The following LINGO2 variants were observed in gnomAD, a reference collection of about 807,000 sequenced individuals.
LINGO2 encodes the protein leucine-rich repeat and immunoglobulin-like domain-containing nogo receptor-interacting protein 2.
In LINGO2, 14 loss-of-function variants were observed where a neutral mutation model predicts 30.6. The ratio of observed to expected loss-of-function variants is 0.46; its 90% CI spans 0.30 to 0.72. The LOEUF is 0.72. Among genes scored for constraint, LINGO2 ranks in the 30% least tolerant of loss-of-function variants. The pLI, the probability that LINGO2 is intolerant of heterozygous loss-of-function variation, is 0.07. For synonymous variants in LINGO2, 317 were observed against 288.5 expected, an observed-to-expected ratio of 1.10 and a Z score of -1.00; for missense variants, 729 against 751.7, an observed-to-expected ratio of 0.97 and a Z score of 0.35.
the LINGO2 span, among the ~76,000 whole-genome samples, chr9:29,172,538 G>T: frequency 5.3e-5 from 8 of 151,328 alleles, no homozygotes; most frequent in Non-Finnish European, 1.5e-5. Context: ...TTTAAATTTC[G>T]GTCACTTATA....
intron 2 of LINGO2, among the ~76,000 whole-genome samples, chr9:28,389,955 G>C (rs532132357): frequency 1.3e-5 from 2 of 152,202 alleles, no homozygotes; most frequent in Admixed American, 6.5e-5. Flanking sequence ...AACATTCCAT[G>C]CTTCCTTTTC....
chr9:28,708,647 TC>T, the LINGO2 span, among the ~76,000 whole-genome samples: 1 of 152,100 alleles, frequency 6.6e-6, no homozygotes, highest in African/African-American at 2.4e-5. Flanking sequence ...AGCCAGTCTT[TC>T]CAACCACCTA....
exon 6 of LINGO2, chr9:27,948,306 CATTCAT>C (rs1209208622): frequency 6.6e-6 from 1 of 152,526 alleles, no homozygotes; most frequent in African/African-American, 2.4e-5. Flanking sequence ...CACAACCTCT[CATTCAT>C]ATTGCTTTAA....
chr9:29,042,840 A>T, the LINGO2 span, among the ~76,000 whole-genome samples: 1 of 151,654 alleles, frequency 6.6e-6, no homozygotes, highest in Non-Finnish European at 1.5e-5. Flanking sequence ...AAGTTACATA[A>T]CATATGTTTT....
the LINGO2 span, among the ~76,000 whole-genome samples, chr9:29,144,235 T>C: frequency 6.6e-6 from 1 of 152,120 alleles, no homozygotes; most frequent in Non-Finnish European, 1.5e-5. Context: ...TGCTTAGGAT[T>C]GTCATGGCTC....
chr9:28,341,268 G>C (rs1343324653), intron 3 of LINGO2, among the ~76,000 whole-genome samples: 2 of 152,018 alleles, frequency 1.3e-5, no homozygotes, highest in Non-Finnish European at 2.9e-5. Context: ...GTGAATCTGG[G>C]AAAGGTGTTT....
chr9:28,604,314 C>T (rs756924635), intron 1 of LINGO2, among the ~76,000 whole-genome samples: 127 of 152,064 alleles, frequency 8.4e-4, no homozygotes, highest in Admixed American at 1.0e-3. Flanking sequence ...TCAAAAACAC[C>T]TTATAAATTA....
At chr9:28,684,425 G>A in the LINGO2 span, among the ~76,000 whole-genome samples, 1 of 150,960 alleles carries the variant, frequency 6.6e-6, no homozygotes, top group East Asian at 2.0e-4. Context: ...TCCTGACCTC[G>A]TGATCTGCCT....
the LINGO2 span, among the ~76,000 whole-genome samples, chr9:29,096,772 T>C: frequency 7.1e-6 from 1 of 140,406 alleles, no homozygotes; most frequent in South Asian, 2.2e-4. Flanking sequence ...GCCAAGTGCA[T>C]CTCCGGTGAG....
chr9:28,189,577 A>G (rs1204836997), intron 4 of LINGO2, among the ~76,000 whole-genome samples: 8 of 16,240 alleles, frequency 4.9e-4, no homozygotes, highest in Non-Finnish European at 5.9e-4. Flanking sequence ...GGAAGGAAGG[A>G]AGGGAGGGAG....
At chr9:28,313,020 G>A (rs1419675795) in intron 3 of LINGO2, among the ~76,000 whole-genome samples, 1 of 152,136 alleles carries the variant, frequency 6.6e-6, no homozygotes, top group Non-Finnish European at 1.5e-5. Flanking sequence ...AAGATTAATA[G>A]TCCAGGTACC....
At chr9:28,569,756 A>T (rs1239542386) in intron 1 of LINGO2, among the ~76,000 whole-genome samples, 5 of 151,950 alleles carry the variant, frequency 3.3e-5, no homozygotes, top group Non-Finnish European at 5.9e-5. Flanking sequence ...TATAAATAAA[A>T]TTTATTAAGA....
At chr9:28,158,356 T>A (rs1396576335) in intron 4 of LINGO2, among the ~76,000 whole-genome samples, 1 of 152,112 alleles carries the variant, frequency 6.6e-6, no homozygotes, top group Non-Finnish European at 1.5e-5. Flanking sequence ...AAGATGAGAT[T>A]TGGGTGGGTC....
At chr9:28,628,722 C>A (rs1008252874) in intron 1 of LINGO2, among the ~76,000 whole-genome samples, 2 of 152,112 alleles carry the variant, frequency 1.3e-5, no homozygotes, top group African/African-American at 4.8e-5. Flanking sequence ...CTTTCATAAA[C>A]TAAGCACAAT....
the LINGO2 span, among the ~76,000 whole-genome samples, chr9:28,936,577 C>A: frequency 6.6e-6 from 1 of 152,186 alleles, no homozygotes; most frequent in Non-Finnish European, 1.5e-5. Flanking sequence ...TAGAATGACA[C>A]TGAGTTCTCC....
At chr9:28,040,719 T>G (rs1341274383) in intron 4 of LINGO2, among the ~76,000 whole-genome samples, 1 of 152,148 alleles carries the variant, frequency 6.6e-6, no homozygotes, top group Non-Finnish European at 1.5e-5. Flanking sequence ...GAAGCTTTAT[T>G]ATTCCTGTTT....
At chr9:28,421,487 G>GAAA (rs55821781) in intron 2 of LINGO2, among the ~76,000 whole-genome samples, 63 of 142,832 alleles carry the variant, frequency 4.4e-4, no homozygotes, top group Middle Eastern at 3.5e-3. Context: ...AAAACGTCTT[G>GAAA]AAAAAAAAAA....
At chr9:28,004,553 G>A (rs1275886779) in intron 5 of LINGO2, among the ~76,000 whole-genome samples, 3 of 152,110 alleles carry the variant, frequency 2.0e-5, no homozygotes, top group Non-Finnish European at 4.4e-5. Flanking sequence ...TCAATTAACT[G>A]CGTTGATGGT....
chr9:28,812,537 A>G, the LINGO2 span, among the ~76,000 whole-genome samples: 1 of 152,216 alleles, frequency 6.6e-6, no homozygotes, highest in African/African-American at 2.4e-5. Context: ...TTGTATACCC[A>G]ATAGCAAGCC....
Sources: allele counts gnomAD v4.1 joint callset (sites outside exome capture counted in the v4.1 genomes callset), GRCh38; gene constraint gnomAD v4.1.1; transcripts MANE v1.5; gene names NCBI Gene and HGNC (gene_info 2026-07-23, HGNC 2026-07-21).